LRRTM4: variants seen among roughly 807,000 people sequenced by gnomAD.
LRRTM4 encodes leucine rich repeat transmembrane neuronal 4.
A neutral mutation model predicts 47.6 loss-of-function variants in LRRTM4; 25 were observed. The ratio of observed to expected loss-of-function variants is 0.53; its 90% CI spans 0.38 to 0.73. The LOEUF (loss-of-function observed/expected upper bound fraction) is 0.73, where lower values mean the gene tolerates loss of function less well. Among genes scored for constraint, LRRTM4 ranks in the 30% least tolerant of loss-of-function variants. LRRTM4 has a pLI of 0.00. For synonymous variants in LRRTM4, 311 were observed against 269.5 expected (o/e 1.15, Z -1.51); for missense variants, 638 against 713.4 (o/e 0.89, Z 1.20).
intron 3 of LRRTM4, among the ~76,000 whole-genome samples, chr2:76,837,878 T>C (rs976331852): frequency 2.6e-5 from 4 of 151,684 alleles, no homozygotes; most frequent in African/African-American, 7.3e-5. Flanking sequence ...TAGATGGGAA[T>C]TGAATAATGA....
At chr2:77,516,835 G>C in intron 3 of LRRTM4, 4 of 984,432 alleles carry the variant, frequency 4.1e-6, no homozygotes, top group Non-Finnish European at 4.8e-6. Flanking sequence ...CTGAGTTAGA[G>C]ATTATTTCAA....
At chr2:77,386,770 C>G (rs1227029793) in intron 3 of LRRTM4, among the ~76,000 whole-genome samples, 2 of 152,000 alleles carry the variant, frequency 1.3e-5, no homozygotes, top group Non-Finnish European at 2.9e-5. Context: ...GGGAACATCA[C>G]ACACCAGGGC....
At chr2:77,044,304 T>C (rs1231788078) in intron 3 of LRRTM4, among the ~76,000 whole-genome samples, 5 of 151,666 alleles carry the variant, frequency 3.3e-5, no homozygotes, top group Non-Finnish European at 7.4e-5. Context: ...TTAAAATAGG[T>C]CAACTAAAGA....
intron 3 of LRRTM4, among the ~76,000 whole-genome samples, chr2:77,000,935 T>A (rs2104023090): frequency 6.6e-6 from 1 of 152,234 alleles, no homozygotes; most frequent in East Asian, 1.9e-4. Flanking sequence ...GACTCCTTAG[T>A]ATTTTATTTC....
chr2:77,341,230 G>C (rs764997251), intron 3 of LRRTM4, among the ~76,000 whole-genome samples: 1 of 151,828 alleles, frequency 6.6e-6, no homozygotes, highest in Non-Finnish European at 1.5e-5. Flanking sequence ...ATTCTTATTA[G>C]ATTTCTCTTC....
intron 3 of LRRTM4, among the ~76,000 whole-genome samples, chr2:77,097,021 A>G (rs1356842650): frequency 1.3e-5 from 2 of 151,914 alleles, no homozygotes; most frequent in Non-Finnish European, 2.9e-5. Context: ...AAGGTTATAG[A>G]ACATTTGAAA....
chr2:77,427,026 T>C (rs1450535334), intron 3 of LRRTM4, among the ~76,000 whole-genome samples: 1 of 149,900 alleles, frequency 6.7e-6, no homozygotes, highest in Non-Finnish European at 1.5e-5. Flanking sequence ...TTTGCCAGAC[T>C]AGGGCACAGT....
chr2:77,376,308 T>C (rs1301204957), intron 3 of LRRTM4, among the ~76,000 whole-genome samples: 7 of 151,776 alleles, frequency 4.6e-5, no homozygotes, highest in Admixed American at 1.3e-4. Flanking sequence ...ATTTCCCCTT[T>C]TGATATCTTT....
intron 3 of LRRTM4, among the ~76,000 whole-genome samples, chr2:77,207,372 T>TATATATATACAC (rs59335400): frequency 1.4e-3 from 177 of 131,084 alleles, no homozygotes; most frequent in African/African-American, 4.7e-3. Context: ...TATATATATA[T>TATATATATACAC]ACACACACAC....
chr2:77,094,110 G>A (rs1051108773), intron 3 of LRRTM4, among the ~76,000 whole-genome samples: 1 of 151,908 alleles, frequency 6.6e-6, no homozygotes, highest in Non-Finnish European at 1.5e-5. Context: ...AATAATTTTG[G>A]TAAAGATACA....
chr2:76,968,383 T>TATATATATACACAC lies in LRRTM4; in HGVS notation c.1552-219468_1552-219467insGTGTGTATATATAT, dbSNP rs797010446. Among the ~76,000 whole-genome samples, 7 of 111,424 alleles carry TATATATATACACAC rather than the reference T, an allele frequency of 6.3e-5. No homozygotes were observed. The East Asian group carries it at 1.0e-3, about 16-fold the overall frequency. The allele number at this position is 111,424 out of a possible 152,430, so 73.1% of individuals were successfully genotyped here. A position where few individuals can be genotyped will look rare whatever the true frequency, so the allele number is the denominator to read the frequency against. On this transcript the variant is annotated intron_variant, in intron 3 of 3. Transcript: ENST00000409884. ...ATATATATATATATATATATATATA[T>TATATATATACACAC]ACACATACATACATACATATATATG...
rs182379299 is a variant in LRRTM4 at position 77,256,617 on chromosome 2, A to G, written c.1551+261701T>C. ...AGCTCTCAACTGCCAACATATATTT[A>G]AGACATGACTTTGTTTCTCCTTGCC... On this transcript the variant is annotated intron_variant, in intron 3 of 3. Coordinates refer to ENST00000409884, the MANE Select transcript of LRRTM4 (RefSeq NM_001134745.3). Among the ~76,000 whole-genome samples, 307 of 152,288 alleles carry G rather than the reference A, an allele frequency of 2.0e-3. 1 individual carries two copies. The highest frequency in any genetic ancestry group is 7.0e-3 in the African/African-American group (290 of 41,576).
intron 3 of LRRTM4, among the ~76,000 whole-genome samples, chr2:76,936,863 G>A (rs1303497500): frequency 2.8e-5 from 4 of 143,314 alleles, no homozygotes; most frequent in African/African-American, 1.0e-4. Context: ...CTGAGGCAGG[G>A]AGAATCGCTT....
At chr2:77,190,520 G>T (rs542886880) in intron 3 of LRRTM4, among the ~76,000 whole-genome samples, 1 of 151,922 alleles carries the variant, frequency 6.6e-6, no homozygotes, top group East Asian at 1.9e-4. Context: ...GGCTGGTCTC[G>T]AACTCCTGAC....
At chr2:76,904,824 G>C (rs1179370353) in intron 3 of LRRTM4, among the ~76,000 whole-genome samples, 6 of 152,118 alleles carry the variant, frequency 3.9e-5, no homozygotes, top group African/African-American at 1.4e-4. Flanking sequence ...AAGGTGTTAT[G>C]GTAAAAATAA....
rs1553410764 is a variant in LRRTM4, at chr2:77,217,440, A to AATATATATATATATATATTT, written c.1551+300877_1551+300878insAAATATATATATATATATAT. On this transcript the variant is annotated intron_variant, in intron 3 of 3. Transcript: ENST00000409884. ...TGATTTGGGCTATATCTCCAAATGA[A>AATATATATATATATATATTT]ATATATATATATATATATATATATA... 1.1e-3 allele frequency among the ~76,000 whole-genome samples: 81 copies of AATATATATATATATATATTT among 76,794 alleles called. 6 individuals carry two copies. Among genetic ancestry groups the AATATATATATATATATATTT allele is most frequent in the African/African-American group, 4.9e-3 (79 of 16,098 alleles). 50.4% of individuals were successfully genotyped at this position (76,794 alleles called of 152,430 possible).
chr2:77,042,024 C>T (rs1235167412), intron 3 of LRRTM4, among the ~76,000 whole-genome samples: 2 of 151,018 alleles, frequency 1.3e-5, no homozygotes, highest in Non-Finnish European at 3.0e-5. Flanking sequence ...ACATAACAAC[C>T]GAATGCAATG....
intron 3 of LRRTM4, among the ~76,000 whole-genome samples, chr2:77,481,408 A>G (rs1207403901): frequency 6.6e-6 from 1 of 152,188 alleles, no homozygotes; most frequent in African/African-American, 2.4e-5. Flanking sequence ...GCAAGGCAAT[A>G]CATTAGTCTC....
intron 3 of LRRTM4, among the ~76,000 whole-genome samples, chr2:77,409,297 T>C (rs957867426): frequency 2.0e-5 from 3 of 152,202 alleles, no homozygotes; most frequent in African/African-American, 7.2e-5. Flanking sequence ...CAGAACGGAA[T>C]TCTATTTTCT....
Sources: gnomAD v4.1 joint callset for allele counts (sites outside exome capture counted in the v4.1 genomes callset) on GRCh38, gnomAD v4.1.1 for gene constraint, MANE v1.5 for transcripts, NCBI Gene and HGNC (gene_info 2026-07-23, HGNC 2026-07-21) for gene names.